GRID2: variants seen among roughly 807,000 people sequenced by gnomAD.
The protein encoded by GRID2 is glutamate ionotropic receptor delta type subunit 2.
Under a neutral mutation model 114.8 loss-of-function variants are expected in GRID2, and 33 were observed. The observed-to-expected ratio is 0.29, with a 90% CI of 0.22 to 0.38. GRID2 has a LOEUF of 0.38. Among genes scored for constraint, GRID2 ranks in the 10% least tolerant of loss-of-function variants. GRID2 has a pLI of 1.00. For missense variants in GRID2, 1,184 were observed against 1,257.7 expected (o/e 0.94, Z 0.89); for synonymous variants, 505 against 449.9 (o/e 1.12, Z -1.55).
At chr4:93,572,364 C>T (rs1271778654) in intron 13 of GRID2, among the ~76,000 whole-genome samples, 2 of 152,088 alleles carry the variant, frequency 1.3e-5, no homozygotes, top group Admixed American at 1.3e-4. Context: ...TAGTATTTTG[C>T]ACGATATGCT....
intron 4 of GRID2, 68 bp from the exon 5 acceptor site, chr4:93,207,336 T>C (rs1579292191): frequency 9.8e-7 from 1 of 1,024,832 alleles, no homozygotes; most frequent in East Asian, 2.4e-5. Flanking sequence ...TTGCAAAGTA[T>C]ATTCATTTAG....
intron 8 of GRID2, among the ~76,000 whole-genome samples, chr4:93,282,851 G>A (rs148746520): frequency 3.9e-5 from 6 of 152,118 alleles, no homozygotes; most frequent in Admixed American, 6.6e-5. Context: ...TTGGCAGAAG[G>A]CAAAGCGTGA....
At chr4:93,506,150 T>C (rs1478612492) in intron 12 of GRID2, among the ~76,000 whole-genome samples, 1 of 152,208 alleles carries the variant, frequency 6.6e-6, no homozygotes. Context: ...CCATGACATC[T>C]ACCCTTCCCA....
chr4:93,216,840 T>A lies in GRID2; in HGVS notation c.892T>A (p.Cys298Ser). The change falls in exon 6 of 16, where the codon TGT (cysteine) becomes AGT (serine). Residue 298 changes from cysteine to serine, a missense_variant. Physicochemically the swap from Cys to Ser is moderately radical, Grantham distance 112. Around this residue, in one of 3 missense-constraint regions of GRID2, gnomAD observed 455 missense variants for 429.5 expected, o/e 1.06. Coordinates refer to ENST00000282020, the MANE Select transcript of GRID2 (RefSeq NM_001510.4). ...AGTTCCCCAGAACATAAGTCAGCGG[T>A]GTTTCCGTGGCAACCATCGAATATC... is the stretch of plus-strand genomic sequence containing the variant. ...FPVPQNISQR[C>S]FRGNHRISST... The A allele has an allele frequency of 6.2e-7, 1 of 1,613,170 alleles. No homozygotes were observed. The highest frequency in any genetic ancestry group is 8.5e-7 in the Non-Finnish European group (1 of 1,179,260).
intron 1 of GRID2, among the ~76,000 whole-genome samples, chr4:92,360,724 A>G (rs951913065): frequency 6.6e-6 from 1 of 151,902 alleles, no homozygotes; most frequent in African/African-American, 2.4e-5. Context: ...ATTGGGGCAG[A>G]AGAAGCAGAG....
At chr4:92,999,598 A>G (rs1363467265) in intron 2 of GRID2, among the ~76,000 whole-genome samples, 1 of 151,746 alleles carries the variant, frequency 6.6e-6, no homozygotes, top group Non-Finnish European at 1.5e-5. Flanking sequence ...ATAAAAGTAA[A>G]CTTCAACAGG....
At chr4:93,123,650 C>G (rs998331849) in intron 4 of GRID2, among the ~76,000 whole-genome samples, 9 of 152,034 alleles carry the variant, frequency 5.9e-5, no homozygotes, top group Non-Finnish European at 1.0e-4. Flanking sequence ...CTCTCTACTC[C>G]TAAAGGGACT....
intron 14 of GRID2, among the ~76,000 whole-genome samples, chr4:93,738,145 AGC>A (rs1731078821): frequency 6.6e-6 from 1 of 152,160 alleles, no homozygotes. Context: ...CAGAGGAAAT[AGC>A]ATGTGTTAAA....
At chr4:93,683,293 T>A (rs1028904944) in intron 14 of GRID2, among the ~76,000 whole-genome samples, 1 of 152,050 alleles carries the variant, frequency 6.6e-6, no homozygotes, top group Non-Finnish European at 1.5e-5. Flanking sequence ...GCACTGAATT[T>A]TAATCATGAT....
chr4:93,028,219 T>G (rs1242994317), intron 2 of GRID2, among the ~76,000 whole-genome samples: 2 of 152,060 alleles, frequency 1.3e-5, no homozygotes, highest in Non-Finnish European at 2.9e-5. Flanking sequence ...CCAAAAATTG[T>G]GTAAGTAGAT....
intron 8 of GRID2, among the ~76,000 whole-genome samples, chr4:93,241,882 T>C (rs1747559777): frequency 6.6e-6 from 1 of 151,164 alleles, no homozygotes. Flanking sequence ...TTTTACAATG[T>C]AAGAGATTTG....
intron 1 of GRID2, among the ~76,000 whole-genome samples, chr4:92,499,639 G>A (rs2149121764): frequency 6.6e-6 from 1 of 152,274 alleles, no homozygotes; most frequent in East Asian, 1.9e-4. Flanking sequence ...TTGAGACAGA[G>A]TCTTGCTCTA....
chr4:93,062,937 T>A (rs574670045), intron 2 of GRID2, among the ~76,000 whole-genome samples: 1 of 152,102 alleles, frequency 6.6e-6, no homozygotes, highest in African/African-American at 2.4e-5. Flanking sequence ...TAAAACAAGT[T>A]GCCTGAAAAT....
intron 13 of GRID2, among the ~76,000 whole-genome samples, chr4:93,541,219 C>T (rs139616363): frequency 1.3e-5 from 2 of 152,104 alleles, no homozygotes; most frequent in East Asian, 1.9e-4. Context: ...TTAGTACATG[C>T]GGACAGTAAA....
chr4:93,527,924 C>T (rs1018512293), intron 13 of GRID2, among the ~76,000 whole-genome samples: 8 of 152,052 alleles, frequency 5.3e-5, no homozygotes, highest in African/African-American at 1.9e-4. Context: ...CGAATTTGAA[C>T]ATTCTAGGTA....
chr4:92,457,864 C>T lies in GRID2; in HGVS notation c.89-132267C>T, dbSNP rs75718676. 9.9e-3 allele frequency among the ~76,000 whole-genome samples: 1,508 copies of T among 152,268 alleles called. 24 individuals carry two copies. The highest frequency in any genetic ancestry group is 0.035 in the African/African-American group (1,441 of 41,556). On this transcript the variant is annotated intron_variant, in intron 1 of 15. Transcript: ENST00000282020. ...GATTTGTGTAGCACTCTTGCACCTTCCCCCTTAAAGAAATTTCTCTACTAC... is the reference window on the plus strand; with the variant it reads ...GATTTGTGTAGCACTCTTGCACCTTTCCCCTTAAAGAAATTTCTCTACTAC...
intron 1 of GRID2, among the ~76,000 whole-genome samples, chr4:92,473,245 G>T (rs1233104289): frequency 6.6e-6 from 1 of 151,934 alleles, no homozygotes; most frequent in African/African-American, 2.4e-5. Flanking sequence ...CTACTTTATT[G>T]CTTTATTTGA....
intron 2 of GRID2, among the ~76,000 whole-genome samples, chr4:92,768,966 C>T (rs1024050568): frequency 5.9e-5 from 9 of 152,166 alleles, no homozygotes; most frequent in African/African-American, 2.2e-4. Context: ...ATTTCAAAAC[C>T]AATTATGCCT....
intron 2 of GRID2, among the ~76,000 whole-genome samples, chr4:92,723,037 T>C (rs747447948): frequency 6.6e-6 from 1 of 152,122 alleles, no homozygotes; most frequent in Non-Finnish European, 1.5e-5. Context: ...AAACAACTTG[T>C]AGCTCTGCAT....
Sources: gnomAD v4.1 joint callset for allele counts (sites outside exome capture counted in the v4.1 genomes callset) on GRCh38, gnomAD v4.1.1 for gene constraint, gnomAD v4.1.1 regional missense constraint, MANE v1.5 for transcripts, NCBI Gene and HGNC (gene_info 2026-07-23, HGNC 2026-07-21) for gene names.